The following PDPK1 variants were observed in gnomAD, a reference collection of about 807,000 sequenced individuals.
PDPK1 encodes 3-phosphoinositide-dependent protein kinase 1.
A neutral mutation model predicts 39.8 loss-of-function variants in PDPK1; 7 were observed. The observed-to-expected ratio is 0.18, with a 90% CI of 0.10 to 0.33. The LOEUF is 0.33. PDPK1 is among the 10% of genes least tolerant of loss of function. PDPK1 has a pLI of 1.00. For missense variants in PDPK1, 182 were observed against 384.7 expected (o/e 0.47, Z 4.41); for synonymous variants, 118 against 159.1 (o/e 0.74, Z 1.95).
In PDPK1 at chr16:2,602,417, C is replaced by CAG. The variant is rs2067236047; in HGVS notation, c.*4650_*4651insAG. ...TGTGGTGAGCAACTGAACGAGCCTACGTGTGTACCTGAATTTTCCCCGTAA... is the reference window on the plus strand; with the variant it reads ...TGTGGTGAGCAACTGAACGAGCCTACAGGTGTGTACCTGAATTTTCCCCGTAA... On this transcript the variant is annotated 3_prime_UTR_variant, in exon 14 of 14. Coordinates refer to ENST00000342085, the MANE Select transcript of PDPK1 (RefSeq NM_002613.5). 1 of 235,212 alleles carries CAG rather than the reference C, an allele frequency of 4.3e-6. No individual in the cohort carries two copies. The highest frequency in any genetic ancestry group is 1.8e-4 in the South Asian group (1 of 5,530). 14.6% of individuals were successfully genotyped at this position (235,212 alleles called of 1,614,324 possible).
chr16:2,580,310 G>A (rs1441989612), intron 7 of PDPK1, among the ~76,000 whole-genome samples: 5 of 145,296 alleles, frequency 3.4e-5, no homozygotes, highest in Non-Finnish European at 6.0e-5. Context: ...TGTGTCTGAT[G>A]CGCCACCCAA....
rs1217178996 is a variant in PDPK1, at chr16:2,603,145, C to T, written c.*5378C>T. The T allele has an allele frequency of 1.8e-5, 4 of 221,324 alleles. No individual in the cohort carries two copies. The highest frequency in any genetic ancestry group is 6.6e-5 in the East Asian group (1 of 15,142). The allele number at this position is 221,324 out of a possible 1,614,324, so 13.7% of individuals were successfully genotyped here. A position where few individuals can be genotyped will look rare whatever the true frequency, so the allele number is the denominator to read the frequency against. ...TGTAGTTACCAGATGATGAATTTTCCTCGTATGGTCAGTAGTCTTGTAATA... is the reference window on the plus strand; with the variant it reads ...TGTAGTTACCAGATGATGAATTTTCTTCGTATGGTCAGTAGTCTTGTAATA... On this transcript the variant is annotated 3_prime_UTR_variant, in exon 14 of 14. Coordinates refer to ENST00000342085, the MANE Select transcript of PDPK1 (RefSeq NM_002613.5).
At chr16:2,596,205 T>G (rs1341528533) in intron 12 of PDPK1, among the ~76,000 whole-genome samples, 1 of 152,184 alleles carries the variant, frequency 6.6e-6, no homozygotes, top group Non-Finnish European at 1.5e-5. Context: ...TTTATTTTTT[T>G]CTTTGAGATG....
At chr16:2,577,591 A>G in intron 7 of PDPK1, 91 bp downstream of exon 7, 1 of 675,182 alleles carries the variant, frequency 1.5e-6, no homozygotes, top group Non-Finnish European at 2.7e-6. Flanking sequence ...TAAGTAGCTA[A>G]GCATACTTGG....
intron 7 of PDPK1, among the ~76,000 whole-genome samples, chr16:2,578,095 AG>A (rs1365096197): frequency 6.7e-6 from 1 of 149,114 alleles, no homozygotes; most frequent in African/African-American, 2.5e-5. Context: ...GTGTGCACAG[AG>A]CCCAGGCTTC....
chr16:2,544,932 A>T (rs2066311564), intron 1 of PDPK1, among the ~76,000 whole-genome samples: 1 of 151,818 alleles, frequency 6.6e-6, no homozygotes, highest in African/African-American at 2.4e-5. Flanking sequence ...AGTCACACAC[A>T]TGATAGCATT....
rs189400886 is a variant in PDPK1 at position 2,593,505 on chromosome 16, G to A, written c.1344-2288G>A. The A allele has an allele frequency of 3.1e-3, 636 of 202,992 alleles. 2 individuals carry two copies. Among genetic ancestry groups the A allele is most frequent in the Non-Finnish European group, 3.9e-3 (383 of 99,430 alleles). 12.6% of individuals were successfully genotyped at this position (202,992 alleles called of 1,614,324 possible). ...CGGCCCCTCCCACACAGGTTGCAGGGATGGGCTGCTGTGTTCTTCTGGTTT... is the reference window on the plus strand; with the variant it reads ...CGGCCCCTCCCACACAGGTTGCAGGAATGGGCTGCTGTGTTCTTCTGGTTT... On this transcript the variant is annotated intron_variant, in intron 11 of 13. Transcript: ENST00000342085. The surrounding 1 kb of genome is among the most constrained non-coding windows in gnomAD (Gnocchi z 4.2).
At chr16:2,539,382 T>C (rs1273156778) in intron 1 of PDPK1, 1 of 152,242 alleles carries the variant, frequency 6.6e-6, no homozygotes, top group Non-Finnish European at 1.5e-5. Context: ...GCCCGGCAGA[T>C]GTGGCTTTTT....
intron 7 of PDPK1, among the ~76,000 whole-genome samples, chr16:2,577,980 G>T (rs2066749165): frequency 6.7e-6 from 1 of 148,276 alleles, no homozygotes; most frequent in African/African-American, 2.6e-5. Context: ...CTCGTGATCT[G>T]CCAGCCTCGG....
intron 10 of PDPK1, among the ~76,000 whole-genome samples, chr16:2,585,763 C>T (rs1188759104): frequency 2.0e-5 from 3 of 152,178 alleles, no homozygotes; most frequent in Admixed American, 1.3e-4. Context: ...GGCTGTGAGG[C>T]GGGGCTGTGG....
Position 2,597,756 on chromosome 16 carries a change from G to A in PDPK1, c.1660G>A (p.Ala554Thr), listed in dbSNP as rs201983709. 9.4e-5 allele frequency: 152 copies of A among 1,609,572 alleles called. 1 individual carries two copies. The highest frequency in any genetic ancestry group is 1.5e-4 in the Admixed American group (9 of 60,016). Residue 554 changes from alanine (A) to threonine (T), a missense_variant, in exon 14 of 14, where the codon GCT (alanine) becomes ACT (threonine). Physicochemically the swap from Ala to Thr is moderately conservative, Grantham distance 58. Transcript: ENST00000342085. This position sits in a 1 kb window ranked among gnomAD's most constrained non-coding sequence, Gnocchi z 6.3. ...RQRYQSHPDA[A>T]VQ ...GCGATACCAGAGCCACCCGGACGCC[G>A]CTGTGCAGTGACGTGGCCTGCGGCC...
chr16:2,598,661 CAG>C lies in PDPK1; in HGVS notation c.*899_*900del, dbSNP rs1327193256. 3.0e-5 allele frequency: 7 copies of C among 233,306 alleles called. No individual in the cohort carries two copies. Among genetic ancestry groups the C allele is most frequent in the Non-Finnish European group, 5.9e-5 (7 of 118,188 alleles). The allele number at this position is 233,306 out of a possible 1,614,324, so 14.5% of individuals were successfully genotyped here. A position where few individuals can be genotyped will look rare whatever the true frequency, so the allele number is the denominator to read the frequency against. On this transcript the variant is annotated 3_prime_UTR_variant, in exon 14 of 14. Coordinates refer to ENST00000342085, the MANE Select transcript of PDPK1 (RefSeq NM_002613.5). ...GGTGCCTTGGAGAAGCCAGCCAGAG[CAG>C]AGAGGGCTGCTGACTTCCGTGTGGA...
intron 1 of PDPK1, among the ~76,000 whole-genome samples, chr16:2,551,504 G>A (rs955672635): frequency 2.0e-5 from 3 of 150,668 alleles, no homozygotes; most frequent in African/African-American, 7.3e-5. Context: ...GTGTGCGGGC[G>A]CTGGCTCTAC....
intron 10 of PDPK1, among the ~76,000 whole-genome samples, chr16:2,584,478 C>T (rs1246905641): frequency 4.6e-5 from 7 of 151,264 alleles, no homozygotes; most frequent in African/African-American, 1.7e-4. Context: ...AGCGATTCTC[C>T]TGTCTCGCCC....
chr16:2,597,631 A>T lies in PDPK1; in HGVS notation c.1555-20A>T. ...TGGTGGGACTCCCTGGAGAACACTAAACGGCTTCTGTCTTCGCAGCCTAAC... is the reference window on the plus strand; with the variant it reads ...TGGTGGGACTCCCTGGAGAACACTATACGGCTTCTGTCTTCGCAGCCTAAC... On this transcript the variant is annotated intron_variant, in intron 13 of 13. Coordinates refer to ENST00000342085, the MANE Select transcript of PDPK1 (RefSeq NM_002613.5). The surrounding 1 kb of genome is among the most constrained non-coding windows in gnomAD (Gnocchi z 6.3). The T allele has an allele frequency of 1.3e-6, 2 of 1,570,008 alleles. No individual in the cohort carries two copies. The highest frequency in any genetic ancestry group is 1.8e-6 in the Non-Finnish European group (2 of 1,139,986).
At chr16:2,578,440 T>G in intron 7 of PDPK1, 1 of 128,334 alleles carries the variant, frequency 7.8e-6, no homozygotes, top group African/African-American at 3.2e-5. Flanking sequence ...ACGGCAAGGG[T>G]TGGTGAGAAG....
chr16:2,592,206 G>T (rs1046908179), intron 11 of PDPK1, among the ~76,000 whole-genome samples: 2 of 152,180 alleles, frequency 1.3e-5, no homozygotes, highest in Non-Finnish European at 2.9e-5. Flanking sequence ...AAGAACCTGC[G>T]CTTTGGCATC....
At chr16:2,544,379 T>C (rs915235721) in intron 1 of PDPK1, among the ~76,000 whole-genome samples, 9 of 152,160 alleles carry the variant, frequency 5.9e-5, no homozygotes, top group Non-Finnish European at 1.2e-4. Context: ...GGAGAAACAG[T>C]GGTGAATAAG....
At position 2,593,092 on chromosome 16, in the gene PDPK1, C is replaced by T. The variant is rs968512055; in HGVS notation, c.1344-2701C>T. 4 of 455,950 alleles carry T rather than the reference C, an allele frequency of 8.8e-6. No individual in the cohort carries two copies. The highest frequency in any genetic ancestry group is 6.2e-5 in the South Asian group (4 of 64,518). The allele number at this position is 455,950 out of a possible 1,614,324, so 28.2% of individuals were successfully genotyped here. ...CAGTACTATTTCCGAATCGCTTCCTCAGTGAGTCCTCCCCAGGCTGCAGGT... is the reference window on the plus strand; with the variant it reads ...CAGTACTATTTCCGAATCGCTTCCTTAGTGAGTCCTCCCCAGGCTGCAGGT... On this transcript the variant is annotated intron_variant, in intron 11 of 13. Transcript: ENST00000342085. The surrounding 1 kb of genome is among the most constrained non-coding windows in gnomAD (Gnocchi z 4.2).
Sources: allele counts gnomAD v4.1 joint callset (sites outside exome capture counted in the v4.1 genomes callset), GRCh38; gene constraint gnomAD v4.1.1; non-coding constraint Gnocchi (gnomAD v3.1); transcripts MANE v1.5; gene names NCBI Gene and HGNC (gene_info 2026-07-23, HGNC 2026-07-21).